The following RBM33 variants were observed in gnomAD, a reference collection of about 807,000 sequenced individuals.
RBM33 encodes the protein RNA binding motif protein 33.
Under a neutral mutation model 132.6 loss-of-function variants are expected in RBM33, and 28 were observed. That is an observed-to-expected ratio of 0.21 (90% CI 0.16 to 0.29). The LOEUF (loss-of-function observed/expected upper bound fraction) is 0.29. RBM33 is among the 10% of genes least tolerant of loss of function. The pLI is 1.00. For synonymous variants in RBM33, 634 were observed against 593.0 expected (o/e 1.07, Z -1.01); for missense variants, 1,291 against 1,518.5 (o/e 0.85, Z 2.49).
intron 1 of RBM33, among the ~76,000 whole-genome samples, chr7:155,661,128 G>GTA (rs1241148227): frequency 1.2e-4 from 10 of 82,150 alleles, no homozygotes; most frequent in Admixed American, 7.5e-4. Flanking sequence ...GTGTGTGTGT[G>GTA]TGTATATATA....
Position 155,766,631 on chromosome 7 carries a change from G to T in RBM33, c.3351G>T (p.Leu1117=). The T allele has an allele frequency of 6.2e-7, 1 of 1,611,856 alleles. No individual in the cohort carries two copies. Among genetic ancestry groups the T allele is most frequent in the Admixed American group, 1.7e-5 (1 of 59,752 alleles). Residue 1117 remains leucine, a synonymous_variant, in exon 16 of 18, where the codon CTG becomes CTT. Transcript: ENST00000401878. Reference sequence around the variant, plus strand: ...CCACGGATGCCCAGCTGAAGAGCCTGCTGATGTCAGTGGGACCCATTCAGG... The same window carrying T: ...CCACGGATGCCCAGCTGAAGAGCCTTCTGATGTCAGTGGGACCCATTCAGG... ...SSTTDAQLKS[L]LMSVGPIQSL...
chr7:155,671,538 A>G (rs1042710706), intron 2 of RBM33, among the ~76,000 whole-genome samples: 2 of 152,222 alleles, frequency 1.3e-5, no homozygotes, highest in Non-Finnish European at 2.9e-5. Context: ...GCATTTCATT[A>G]TAACTCCATA....
At chr7:155,706,715 T>G (rs1800125165) in intron 6 of RBM33, 145 bp from the exon 7 acceptor site, 1 of 630,340 alleles carries the variant, frequency 1.6e-6, no homozygotes, top group African/African-American at 1.8e-5. Flanking sequence ...GTATCGTACT[T>G]GCCGCTGCTA....
chr7:155,673,721 TAC>T (rs563452227), intron 3 of RBM33, among the ~76,000 whole-genome samples: 5 of 139,918 alleles, frequency 3.6e-5, no homozygotes, highest in African/African-American at 5.7e-5. Flanking sequence ...TGTATATATA[TAC>T]ACACACATAT....
Position 155,718,440 on chromosome 7 carries a change from C to T in RBM33, c.1257C>T (p.Phe419=), listed in dbSNP as rs558424934. 4.3e-6 allele frequency: 7 copies of T among 1,613,352 alleles called. No individual in the cohort carries two copies. In the African/African-American group the frequency reaches 8.0e-5, roughly 18 times the overall value. Residue 419 remains phenylalanine, a synonymous_variant, in exon 9 of 18, where the codon TTC becomes TTT. Coordinates refer to ENST00000401878, the MANE Select transcript of RBM33 (RefSeq NM_053043.3). ...GACCTGCCGTGGGACCCCAGAGATT[C>T]CCAGTGAGTAGCAGCTGCTCCTTCT... ...QPRPAVGPQR[F]PGPPEFPQHT...
chr7:155,655,203 T>A (rs542586685), intron 1 of RBM33, among the ~76,000 whole-genome samples: 1 of 152,246 alleles, frequency 6.6e-6, no homozygotes, highest in South Asian at 2.1e-4. Flanking sequence ...CCATATTGTA[T>A]GATATTGGAG....
chr7:155,741,917 A>G lies in RBM33; in HGVS notation c.2148A>G (p.Ser716=), dbSNP rs372192081. Residue 716 remains serine, a synonymous_variant, in exon 13 of 18, where the codon TCA becomes TCG. Transcript: ENST00000401878. Reference sequence around the variant, plus strand: ...TGCGTGAATTACCCATAGCGCCGTCACACGTGATAGAAATGAGCAGCAGCC... The same window carrying G: ...TGCGTGAATTACCCATAGCGCCGTCGCACGTGATAGAAATGAGCAGCAGCC... The part of the protein sequence containing the change: ...SNLRELPIAP[S]HVIEMSSSRC... 6.2e-7 allele frequency: 1 copy of G among 1,613,902 alleles called. No homozygotes were observed. Among genetic ancestry groups the G allele is most frequent in the African/African-American group, 1.3e-5 (1 of 74,922 alleles).
chr7:155,644,936 G>A lies in RBM33; in HGVS notation c.43+17G>A, dbSNP rs746582976. On this transcript the variant is annotated intron_variant, in intron 1 of 17. Coordinates refer to ENST00000401878, the MANE Select transcript of RBM33 (RefSeq NM_053043.3). ...GCGCCGGAGGTACGTGAGGCAGCCG[G>A]ACTCTGGGGGCCAGGACCGCGCCGC... The A allele has an allele frequency of 6.0e-6, 9 of 1,492,304 alleles. No individual in the cohort carries two copies. The highest frequency in any genetic ancestry group is 2.5e-5 in the South Asian group (2 of 80,002). The allele number at this position is 1,492,304 out of a possible 1,614,324, so 92.4% of individuals were successfully genotyped here. A position where few individuals can be genotyped will look rare whatever the true frequency, so the allele number is the denominator to read the frequency against.
intron 5 of RBM33, among the ~76,000 whole-genome samples, chr7:155,693,010 G>T (rs1242236026): frequency 6.6e-6 from 1 of 152,122 alleles, no homozygotes; most frequent in Non-Finnish European, 1.5e-5. Flanking sequence ...AGTGTAAAGA[G>T]CAAGATGATA....
At chr7:155,663,738 CTTTATAGGTG>C (rs1439296654) in intron 1 of RBM33, among the ~76,000 whole-genome samples, 1 of 152,112 alleles carries the variant, frequency 6.6e-6, no homozygotes, top group Non-Finnish European at 1.5e-5. Context: ...ATTCCTGAGG[CTTTATAGGTG>C]TTTATATCAT....
At chr7:155,703,789 G>A (rs535549370) in intron 6 of RBM33, among the ~76,000 whole-genome samples, 1 of 152,258 alleles carries the variant, frequency 6.6e-6, no homozygotes, top group South Asian at 2.1e-4. Context: ...TTACACATCA[G>A]TTTATTTGTG....
chr7:155,723,156 TA>T (rs1432649638), intron 9 of RBM33, among the ~76,000 whole-genome samples: 3 of 152,254 alleles, frequency 2.0e-5, no homozygotes, highest in Non-Finnish European at 4.4e-5. Flanking sequence ...ATGTGTCTTA[TA>T]GGCCATTTCA....
At chr7:155,759,252 A>G (rs1432887742) in intron 14 of RBM33, among the ~76,000 whole-genome samples, 5 of 152,196 alleles carry the variant, frequency 3.3e-5, no homozygotes, top group African/African-American at 1.2e-4. Flanking sequence ...CTTAAAAAAT[A>G]AACTTTCCTT....
rs1482727439 is a variant in RBM33 at position 155,680,626 on chromosome 7, T to C, written c.285T>C (p.Ser95=). The C allele has an allele frequency of 6.2e-7, 1 of 1,606,086 alleles. No individual in the cohort carries two copies. The highest frequency in any genetic ancestry group is 1.7e-5 in the Admixed American group (1 of 59,064). The change falls in exon 5 of 18, where the codon TCT becomes TCC. Residue 95 remains serine (S), a synonymous_variant. Transcript: ENST00000401878. ...QGVTISLNAT[S]GMVTSFELSD... is the part of the protein sequence containing the mutation. ...TTACAATTAGTCTGAATGCTACATCTGGCATGGTTACATCATTTGAACTCT... is the reference window on the plus strand; with the variant it reads ...TTACAATTAGTCTGAATGCTACATCCGGCATGGTTACATCATTTGAACTCT...
chr7:155,684,708 G>A (rs1312364534), intron 5 of RBM33, among the ~76,000 whole-genome samples: 1 of 152,140 alleles, frequency 6.6e-6, no homozygotes, highest in African/African-American at 2.4e-5. Flanking sequence ...CAGAGCCCAC[G>A]GCACTTGCTC....
At chr7:155,652,817 TTTC>T (rs1798393220) in intron 1 of RBM33, among the ~76,000 whole-genome samples, 1 of 152,208 alleles carries the variant, frequency 6.6e-6, no homozygotes, top group Admixed American at 6.5e-5. Flanking sequence ...GGACACATTT[TTTC>T]TTCTTGGTTC....
chr7:155,645,628 T>C (rs1798164894), intron 1 of RBM33, among the ~76,000 whole-genome samples: 1 of 152,210 alleles, frequency 6.6e-6, no homozygotes, highest in African/African-American at 2.4e-5. Flanking sequence ...TCTAAAAAAT[T>C]GTAGGTAAAT....
chr7:155,748,333 C>G (rs890097240), intron 14 of RBM33, among the ~76,000 whole-genome samples: 4 of 152,216 alleles, frequency 2.6e-5, no homozygotes, highest in African/African-American at 9.7e-5. Flanking sequence ...TTGCATTCAG[C>G]AGTCTCCTAT....
At chr7:155,682,857 A>G (rs1440598421) in intron 5 of RBM33, among the ~76,000 whole-genome samples, 2 of 152,250 alleles carry the variant, frequency 1.3e-5, no homozygotes, top group East Asian at 1.9e-4. Context: ...GAGATTACAC[A>G]TAGGCCCCAG....
Sources: gnomAD v4.1 joint callset for allele counts (sites outside exome capture counted in the v4.1 genomes callset) on GRCh38, gnomAD v4.1.1 for gene constraint, MANE v1.5 for transcripts, NCBI Gene and HGNC (gene_info 2026-07-23, HGNC 2026-07-21) for gene names.